DNAH9: variants seen among roughly 807,000 people sequenced by gnomAD.
DNAH9 encodes dynein axonemal heavy chain 9.
A neutral mutation model predicts 471.6 loss-of-function variants in DNAH9; 345 were observed. The ratio of observed to expected loss-of-function variants is 0.73; its 90% confidence interval spans 0.67 to 0.80. The LOEUF is 0.80. Among genes scored for constraint, DNAH9 ranks in the 30% least tolerant of loss-of-function variants. The probability of loss-of-function intolerance (pLI) is 0.00; values close to 1 mark genes in which losing one functional copy is unlikely to be tolerated. For missense variants in DNAH9, 5,407 were observed against 5,609.2 expected (o/e 0.96, Z 1.15); for synonymous variants, 2,093 against 2,123.6 (o/e 0.99, Z 0.40).
At chr17:11,849,903 T>C (rs1277110206) in intron 49 of DNAH9, among the ~76,000 whole-genome samples, 8 of 152,066 alleles carry the variant, frequency 5.3e-5, no homozygotes, top group African/African-American at 1.9e-4. Context: ...TGCACACATA[T>C]TGATTCATTC....
chr17:11,619,574 C>T lies in DNAH9; in HGVS notation c.1143C>T (p.Asp381=). The T allele has an allele frequency of 6.2e-7, 1 of 1,612,426 alleles. No individual in the cohort carries two copies. The highest frequency in any genetic ancestry group is 8.5e-7 in the Non-Finnish European group (1 of 1,178,420). ...CCTCTAATTATCTCAGCCCAGAAGA[C>T]CTGCTGAGAAGTGAGGTAGAAGAAA... ...QQASNYLSPE[D]LLRSEVEESQ... The change falls in exon 6 of 69, where the codon GAC becomes GAT. Residue 381 remains aspartate (D), a synonymous_variant. Coordinates refer to ENST00000262442, the MANE Select transcript of DNAH9 (RefSeq NM_001372.4).
Position 11,797,640 on chromosome 17 carries a change from A to G in DNAH9, c.8267A>G (p.Tyr2756Cys). Reference protein sequence around the residue: ...PVEQTQSPNLYCHFANGIGEP... With the variant: ...PVEQTQSPNLCCHFANGIGEP... ...GAGCAGACCCAAAGCCCGAACCTGT[A>G]TTGTCACTTTGCAAATGGTATTGGG... Residue 2756 changes from tyrosine to cysteine, a missense_variant, in exon 43 of 69, where the codon TAT becomes TGT. Transcript: ENST00000262442. 1 of 1,614,102 alleles carries G rather than the reference A, an allele frequency of 6.2e-7. No homozygotes were observed. The highest frequency in any genetic ancestry group is 1.1e-5 in the South Asian group (1 of 91,076).
chr17:11,935,381 T>G (rs1357293467), intron 65 of DNAH9, among the ~76,000 whole-genome samples: 1 of 151,616 alleles, frequency 6.6e-6, no homozygotes, highest in Non-Finnish European at 1.5e-5. Context: ...AGATTTTTTT[T>G]TTTTTTTTTT....
At chr17:11,704,100 A>G (rs908445246) in intron 24 of DNAH9, 103 bp from the exon 25 acceptor site, 169 of 1,320,060 alleles carry the variant, frequency 1.3e-4, no homozygotes, top group South Asian at 5.7e-4. Context: ...GATGGGGCTC[A>G]TGTCACCCAC....
chr17:11,862,620 A>G (rs1449868499), intron 50 of DNAH9, among the ~76,000 whole-genome samples: 3 of 152,154 alleles, frequency 2.0e-5, no homozygotes, highest in East Asian at 1.9e-4. Flanking sequence ...CAGTGTGGCC[A>G]TTTTCACGAT....
At chr17:11,872,242 C>T (rs1972295770) in intron 52 of DNAH9, among the ~76,000 whole-genome samples, 1 of 152,134 alleles carries the variant, frequency 6.6e-6, no homozygotes, top group Admixed American at 6.5e-5. Context: ...AGATATCCTT[C>T]GTCGGCTTCC....
At chr17:11,897,818 G>C (rs1445572614) in intron 59 of DNAH9, among the ~76,000 whole-genome samples, 1 of 152,228 alleles carries the variant, frequency 6.6e-6, no homozygotes, top group African/African-American at 2.4e-5. Flanking sequence ...GGTTATGGTT[G>C]CTGTATTTGT....
At chr17:11,887,761 CACACAG>C (rs1394696182) in intron 57 of DNAH9, among the ~76,000 whole-genome samples, 1 of 151,888 alleles carries the variant, frequency 6.6e-6, no homozygotes, top group Non-Finnish European at 1.5e-5. Context: ...CACACACACA[CACACAG>C]AGTGCACACA....
At chr17:11,786,726 G>C (rs528420782) in intron 41 of DNAH9, among the ~76,000 whole-genome samples, 25 of 152,314 alleles carry the variant, frequency 1.6e-4, no homozygotes, top group Admixed American at 5.2e-4. Flanking sequence ...GTGACAAAAG[G>C]CTTCCGGAGG....
intron 30 of DNAH9, among the ~76,000 whole-genome samples, chr17:11,743,105 A>G (rs1351448865): frequency 6.6e-6 from 1 of 152,116 alleles, no homozygotes; most frequent in African/African-American, 2.4e-5. Flanking sequence ...AAGCTCCTCC[A>G]GCTCAGCATG....
chr17:11,832,155 G>C (rs1970704078), intron 48 of DNAH9, among the ~76,000 whole-genome samples: 2 of 152,168 alleles, frequency 1.3e-5, no homozygotes, highest in South Asian at 4.1e-4. Flanking sequence ...GCCATAAAAT[G>C]GACCTGAGTT....
chr17:11,855,877 G>C (rs956419580), intron 50 of DNAH9, among the ~76,000 whole-genome samples: 4 of 152,132 alleles, frequency 2.6e-5, no homozygotes, highest in Admixed American at 2.0e-4. Context: ...CTTTAGAAAG[G>C]TTTCCAAAAT....
intron 26 of DNAH9, among the ~76,000 whole-genome samples, chr17:11,712,144 T>G: frequency 7.8e-6 from 1 of 127,708 alleles, no homozygotes; most frequent in South Asian, 2.4e-4. Flanking sequence ...TTATATAAAT[T>G]TATTAATATT....
intron 49 of DNAH9, among the ~76,000 whole-genome samples, chr17:11,843,863 G>GTGTATATATA (rs1253794533): frequency 8.6e-5 from 4 of 46,468 alleles, no homozygotes; most frequent in African/African-American, 3.2e-4. Flanking sequence ...GTGTGTGTGT[G>GTGTATATATA]TATATATATA....
rs888834304 is a variant in DNAH9 at position 11,626,419 on chromosome 17, A to T, written c.1351-2998A>T. Among the ~76,000 whole-genome samples the T allele has an allele frequency of 1.3e-5, 2 of 152,168 alleles. No homozygotes were observed. The highest frequency in any genetic ancestry group is 2.9e-5 in the Non-Finnish European group (2 of 68,030). On this transcript the variant is annotated intron_variant, in intron 6 of 68. Coordinates refer to ENST00000262442, the MANE Select transcript of DNAH9 (RefSeq NM_001372.4). The surrounding 1 kb of genome is among the most constrained non-coding windows in gnomAD (Gnocchi z 4.3). ...CCATAAGTCTGGTGTCTATAGTTGT[A>T]AGACAATTTCCTAGCTGCTTCAGAA...
chr17:11,657,601 C>T (rs1284520832), intron 14 of DNAH9, among the ~76,000 whole-genome samples: 1 of 151,880 alleles, frequency 6.6e-6, no homozygotes, highest in Non-Finnish European at 1.5e-5. Flanking sequence ...CTTTTGAGTC[C>T]TAAGGAAACT....
At position 11,661,535 on chromosome 17, in the gene DNAH9, CTG is replaced by C. The variant is rs1192686197; in HGVS notation, c.2596-3296_2596-3295del. ...CCATTGTCACCTGCTTTTTGGGTAACTGTATATTTTTTAGTATTCTATTTTAA... is the reference window on the plus strand; with the variant it reads ...CCATTGTCACCTGCTTTTTGGGTAACTATATTTTTTAGTATTCTATTTTAA... On this transcript the variant is annotated intron_variant, in intron 14 of 68. Transcript: ENST00000262442. Among the ~76,000 whole-genome samples, 6 of 152,038 alleles carry C rather than the reference CTG, an allele frequency of 3.9e-5. No individual in the cohort carries two copies. The East Asian group carries it at 7.7e-4, about 20-fold the overall frequency.
At chr17:11,677,812 G>A (rs62060831) in intron 17 of DNAH9, among the ~76,000 whole-genome samples, 1 of 151,598 alleles carries the variant, frequency 6.6e-6, no homozygotes, top group African/African-American at 2.4e-5. Context: ...ATGTAGCTCT[G>A]CTGTTCTAAT....
At chr17:11,757,238 T>C (rs548645643) in intron 34 of DNAH9, among the ~76,000 whole-genome samples, 1 of 152,148 alleles carries the variant, frequency 6.6e-6, no homozygotes, top group African/African-American at 2.4e-5. Context: ...CTTAAAAAAA[T>C]TGTTGGGCCG....
Sources: allele counts gnomAD v4.1 joint callset (sites outside exome capture counted in the v4.1 genomes callset), GRCh38; gene constraint gnomAD v4.1.1; non-coding constraint Gnocchi (gnomAD v3.1); transcripts MANE v1.5; gene names NCBI Gene and HGNC (gene_info 2026-07-23, HGNC 2026-07-21).